Variants in CRISPLD2 observed in about 807,000 individuals in gnomAD.
CRISPLD2 encodes cysteine-rich secretory protein LCCL domain-containing 2.
In CRISPLD2, 47 loss-of-function variants were observed where a neutral mutation model predicts 71.1. That is an observed-to-expected ratio of 0.66 (90% CI 0.52 to 0.84). The LOEUF is 0.84. Ranked by LOEUF, CRISPLD2 falls within the 40% of genes least tolerant of loss-of-function variation. The pLI, the probability that CRISPLD2 is intolerant of heterozygous loss-of-function variation, is 0.00. For missense variants in CRISPLD2, 830 were observed against 651.1 expected, an observed-to-expected ratio of 1.27 and a Z score of -2.99; for synonymous variants, 317 against 250.1, an observed-to-expected ratio of 1.27 and a Z score of -2.52.
intron 5 of CRISPLD2, among the ~76,000 whole-genome samples, chr16:84,853,278 C>G (rs1338529764): frequency 6.6e-6 from 1 of 152,176 alleles, no homozygotes; most frequent in African/African-American, 2.4e-5. Context: ...CTGGGCTTCA[C>G]CCAGAGACAG....
chr16:84,852,455 AC>A (rs1372826701), intron 5 of CRISPLD2, among the ~76,000 whole-genome samples: 3 of 152,086 alleles, frequency 2.0e-5, no homozygotes, highest in Non-Finnish European at 2.9e-5. Context: ...CACTCCCTGT[AC>A]CCCCAAATGG....
intron 10 of CRISPLD2, 83 bp downstream of exon 10, chr16:84,873,205 G>C (rs186158972): frequency 1.3e-6 from 2 of 1,509,438 alleles, no homozygotes; most frequent in East Asian, 4.8e-5. Context: ...ATACCACACA[G>C]GCCGGGCGTG....
chr16:84,842,429 C>T (rs1184383136), intron 2 of CRISPLD2, among the ~76,000 whole-genome samples: 1 of 146,786 alleles, frequency 6.8e-6, no homozygotes, highest in Non-Finnish European at 1.5e-5. Flanking sequence ...GGCTGGAGTG[C>T]AGTGGTGCTA....
chr16:84,829,516 G>C (rs1205168975), intron 1 of CRISPLD2, among the ~76,000 whole-genome samples: 2 of 152,166 alleles, frequency 1.3e-5, no homozygotes, highest in Non-Finnish European at 2.9e-5. Context: ...TCAGATCTGA[G>C]TTCTCCTTTG....
chr16:84,873,563 A>T, intron 10 of CRISPLD2: 1 of 189,528 alleles, frequency 5.3e-6, no homozygotes, highest in Non-Finnish European at 1.0e-5. Flanking sequence ...ATGTGTTTTT[A>T]TAATTTGATC....
At chr16:84,855,412 G>A (rs913393391) in intron 6 of CRISPLD2, among the ~76,000 whole-genome samples, 1 of 152,206 alleles carries the variant, frequency 6.6e-6, no homozygotes, top group Admixed American at 6.5e-5. Context: ...CTTCAAGCCC[G>A]ATGTTTGAGG....
intron 5 of CRISPLD2, among the ~76,000 whole-genome samples, chr16:84,850,904 C>T (rs1226889910): frequency 6.6e-6 from 1 of 151,040 alleles, no homozygotes; most frequent in Non-Finnish European, 1.5e-5. Context: ...CTCATGGTCC[C>T]AAGATGGCTG....
chr16:84,902,295 A>G (rs1344269984), intron 14 of CRISPLD2, among the ~76,000 whole-genome samples: 25 of 151,904 alleles, frequency 1.6e-4, no homozygotes. Context: ...AGAGTCAGCA[A>G]AGGCTGCATG....
chr16:84,899,572 G>A (rs2071735504), intron 14 of CRISPLD2, among the ~76,000 whole-genome samples: 1 of 152,194 alleles, frequency 6.6e-6, no homozygotes. Flanking sequence ...GCGGTGGATG[G>A]CACCAACAGT....
At chr16:84,830,602 T>A (rs370355923) in intron 1 of CRISPLD2, among the ~76,000 whole-genome samples, 6 of 151,568 alleles carry the variant, frequency 4.0e-5, no homozygotes, top group Admixed American at 3.9e-4. Context: ...ACTCCGGAGG[T>A]TGAGACAGGA....
intron 6 of CRISPLD2, among the ~76,000 whole-genome samples, chr16:84,859,469 A>G (rs1467836489): frequency 6.6e-6 from 1 of 152,174 alleles, no homozygotes; most frequent in Non-Finnish European, 1.5e-5. Context: ...CCGGGGAAGT[A>G]TGGGAGAAAG....
chr16:84,855,614 C>T (rs1917217307), intron 6 of CRISPLD2, among the ~76,000 whole-genome samples: 1 of 152,186 alleles, frequency 6.6e-6, no homozygotes, highest in Non-Finnish European at 1.5e-5. Flanking sequence ...TCTCCTTTGG[C>T]AACACCCTCA....
rs751116425 is a variant in CRISPLD2 at position 84,880,592 on chromosome 16, G to A, written c.1305+8G>A. On this transcript the variant is annotated splice_region_variant and intron_variant, in intron 13 of 14. Transcript: ENST00000262424. Reference sequence around the variant, plus strand: ...ACCAACATCTATGCAGATGTGAGTAGGATGCATTTTCAACAACTATCTCGC... The same window carrying A: ...ACCAACATCTATGCAGATGTGAGTAAGATGCATTTTCAACAACTATCTCGC... The A allele has an allele frequency of 4.3e-6, 7 of 1,611,174 alleles. No homozygotes were observed. The African/African-American group carries it at 5.3e-5, about 12-fold the overall frequency.
chr16:84,883,624 CT>C (rs1451349173), intron 13 of CRISPLD2, among the ~76,000 whole-genome samples: 1 of 152,202 alleles, frequency 6.6e-6, no homozygotes, highest in Admixed American at 6.5e-5. Flanking sequence ...ATCAGTGGGG[CT>C]GGGTGGATCC....
In CRISPLD2 at chr16:84,873,987, G is replaced by A. The variant is rs375678099; in HGVS notation, c.1156+24G>A. The A allele has an allele frequency of 2.8e-5, 44 of 1,586,942 alleles. No individual in the cohort carries two copies. The African/African-American group carries it at 4.0e-4, about 14-fold the overall frequency. On this transcript the variant is annotated intron_variant, in intron 11 of 14. Transcript: ENST00000262424. ...AGGTAAGCTAGCCAGTCTCTTTTGC[G>A]ACCATAATACCTGGGTTATCTCAGA...
At chr16:84,897,417 T>G (rs1357860230) in intron 14 of CRISPLD2, among the ~76,000 whole-genome samples, 4 of 152,080 alleles carry the variant, frequency 2.6e-5, no homozygotes, top group African/African-American at 9.7e-5. Context: ...ATTGCACCAC[T>G]GCACTCTAGC....
intron 6 of CRISPLD2, among the ~76,000 whole-genome samples, chr16:84,857,626 T>C (rs1597461814): frequency 6.6e-6 from 1 of 152,210 alleles, no homozygotes; most frequent in Admixed American, 6.5e-5. Flanking sequence ...CCCTCAAGCA[T>C]GTCCTAGAAA....
intron 14 of CRISPLD2, among the ~76,000 whole-genome samples, chr16:84,902,044 C>A (rs1313465495): frequency 6.6e-6 from 1 of 151,610 alleles, no homozygotes; most frequent in African/African-American, 2.4e-5. Flanking sequence ...AGTGATCTGC[C>A]GGCCTCGACC....
intron 8 of CRISPLD2, among the ~76,000 whole-genome samples, chr16:84,870,750 C>T (rs1411247503): frequency 6.6e-6 from 1 of 152,122 alleles, no homozygotes; most frequent in Non-Finnish European, 1.5e-5. Flanking sequence ...GGCTTATTTC[C>T]AGCTTTTCAC....
Sources: allele counts gnomAD v4.1 joint callset (sites outside exome capture counted in the v4.1 genomes callset), GRCh38; gene constraint gnomAD v4.1.1; transcripts MANE v1.5; gene names NCBI Gene and HGNC (gene_info 2026-07-23, HGNC 2026-07-21).